The following NPAS3 variants were observed in gnomAD, a reference collection of about 807,000 sequenced individuals.
The protein encoded by NPAS3 is neuronal PAS domain protein 3.
In NPAS3, 14 loss-of-function variants were observed where a neutral mutation model predicts 73.1. The observed-to-expected ratio is 0.19, with a 90% confidence interval of 0.13 to 0.30. NPAS3 has a LOEUF of 0.30. Ranked by LOEUF, NPAS3 falls within the 10% of genes least tolerant of loss-of-function variation. NPAS3 has a pLI of 1.00. For synonymous variants in NPAS3, 620 were observed against 541.5 expected, an observed-to-expected ratio of 1.14 and a Z score of -2.01; for missense variants, 1,096 against 1,250.0, an observed-to-expected ratio of 0.88 and a Z score of 1.86.
chr14:33,726,434 C>A (rs543433474), intron 6 of NPAS3, among the ~76,000 whole-genome samples: 46 of 152,264 alleles, frequency 3.0e-4, no homozygotes, highest in African/African-American at 1.1e-3. Flanking sequence ...TTCTGTAAAG[C>A]CTTTTACCAA....
At chr14:33,303,267 G>C (rs1309522645) in intron 3 of NPAS3, among the ~76,000 whole-genome samples, 1 of 151,886 alleles carries the variant, frequency 6.6e-6, no homozygotes, top group Non-Finnish European at 1.5e-5. Context: ...TAATTGTTAG[G>C]ATAATTATGT....
At chr14:33,370,954 A>G (rs77750076) in intron 4 of NPAS3, among the ~76,000 whole-genome samples, 2,034 of 152,276 alleles carry the variant, frequency 0.013, 41 homozygotes, top group African/African-American at 0.045. Flanking sequence ...TCTGCAGAGC[A>G]ATTCTCAGGC....
chr14:33,683,427 CAAAAAAAAA>C (rs1176606241), intron 6 of NPAS3, among the ~76,000 whole-genome samples: 22 of 77,524 alleles, frequency 2.8e-4, no homozygotes, highest in East Asian at 2.3e-3. Flanking sequence ...TTCCTCATTT[CAAAAAAAAA>C]AAAAAAAAAA....
chr14:33,041,134 G>T (rs1566494720), intron 1 of NPAS3, among the ~76,000 whole-genome samples: 1 of 152,170 alleles, frequency 6.6e-6, no homozygotes, highest in Non-Finnish European at 1.5e-5. Flanking sequence ...AGCTATAATA[G>T]ACTCCATTTC....
intron 3 of NPAS3, among the ~76,000 whole-genome samples, chr14:33,298,110 C>T (rs577941256): frequency 2.0e-5 from 3 of 152,184 alleles, no homozygotes; most frequent in Non-Finnish European, 2.9e-5. Flanking sequence ...GGTGAAACCC[C>T]GTCTCTACTA....
chr14:33,626,812 A>G (rs1196524865), intron 5 of NPAS3, among the ~76,000 whole-genome samples: 1 of 152,226 alleles, frequency 6.6e-6, no homozygotes, highest in Non-Finnish European at 1.5e-5. Context: ...ATTTTAGGTT[A>G]TCCATACAAA....
intron 5 of NPAS3, among the ~76,000 whole-genome samples, chr14:33,654,863 T>G (rs1171427400): frequency 1.3e-5 from 2 of 152,218 alleles, no homozygotes; most frequent in African/African-American, 2.4e-5. Flanking sequence ...TTGATGACAC[T>G]GCTCATGAAG....
chr14:33,579,205 T>C (rs973299288), intron 5 of NPAS3, among the ~76,000 whole-genome samples: 1 of 152,192 alleles, frequency 6.6e-6, no homozygotes, highest in African/African-American at 2.4e-5. Context: ...TCTGCTCAGG[T>C]TTTATGAAGA....
chr14:33,543,247 T>G (rs920215317), intron 4 of NPAS3, among the ~76,000 whole-genome samples: 4 of 152,222 alleles, frequency 2.6e-5, no homozygotes, highest in African/African-American at 9.6e-5. Context: ...CATTTTCATC[T>G]GCTTCCAGTT....
At chr14:33,179,450 A>T (rs1164785125) in intron 2 of NPAS3, among the ~76,000 whole-genome samples, 2 of 152,208 alleles carry the variant, frequency 1.3e-5, no homozygotes, top group South Asian at 2.1e-4. Flanking sequence ...AAGTGTTTTT[A>T]CTATGTTATT....
intron 4 of NPAS3, among the ~76,000 whole-genome samples, chr14:33,445,974 G>A: frequency 6.7e-6 from 1 of 148,626 alleles, no homozygotes; most frequent in Non-Finnish European, 1.5e-5. Context: ...TAACTGCTAT[G>A]GTCAGTGCCA....
At chr14:33,007,240 C>A (rs2039031711) in intron 1 of NPAS3, among the ~76,000 whole-genome samples, 1 of 152,174 alleles carries the variant, frequency 6.6e-6, no homozygotes, top group Admixed American at 6.5e-5. Flanking sequence ...CGCAAGCATC[C>A]TGGATGCCAC....
At chr14:33,599,830 G>T (rs566810508) in intron 5 of NPAS3, among the ~76,000 whole-genome samples, 1 of 152,172 alleles carries the variant, frequency 6.6e-6, no homozygotes, top group Admixed American at 6.5e-5. Flanking sequence ...GTTAATTTTG[G>T]AACTCATAAA....
chr14:33,766,927 A>G (rs781646412), intron 7 of NPAS3, among the ~76,000 whole-genome samples: 1 of 152,154 alleles, frequency 6.6e-6, no homozygotes, highest in Non-Finnish European at 1.5e-5. Flanking sequence ...GTGGCTTATG[A>G]CAAAGCCTAT....
intron 5 of NPAS3, among the ~76,000 whole-genome samples, chr14:33,580,227 G>C (rs1333304359): frequency 6.6e-6 from 1 of 152,182 alleles, no homozygotes; most frequent in Admixed American, 6.5e-5. Context: ...CTAAGGGTCA[G>C]AGAACCAGCT....
intron 2 of NPAS3, among the ~76,000 whole-genome samples, chr14:33,152,733 A>G (rs952744287): frequency 7.2e-5 from 11 of 151,750 alleles, no homozygotes; most frequent in Non-Finnish European, 1.2e-4. Context: ...ATGATTGTTT[A>G]CATGTAAGCT....
chr14:33,103,368 G>A (rs1368211181), intron 2 of NPAS3, among the ~76,000 whole-genome samples: 1 of 152,154 alleles, frequency 6.6e-6, no homozygotes, highest in Non-Finnish European at 1.5e-5. Context: ...ATTGCATCAT[G>A]TAGACTTACT....
At chr14:33,524,175 T>C (rs955030904) in intron 4 of NPAS3, among the ~76,000 whole-genome samples, 12 of 152,184 alleles carry the variant, frequency 7.9e-5, no homozygotes, top group African/African-American at 2.9e-4. Flanking sequence ...CTGAAAGTAC[T>C]GCCCTCTCTA....
At chr14:33,773,580 G>A (rs964058296) in intron 7 of NPAS3, among the ~76,000 whole-genome samples, 6 of 152,176 alleles carry the variant, frequency 3.9e-5, no homozygotes, top group African/African-American at 1.4e-4. Context: ...GGTTCCGGGT[G>A]GCCTGGACTA....
Sources: allele counts gnomAD v4.1 joint callset (sites outside exome capture counted in the v4.1 genomes callset), GRCh38; gene constraint gnomAD v4.1.1; transcripts MANE v1.5; gene names NCBI Gene and HGNC (gene_info 2026-07-23, HGNC 2026-07-21).